ARHGAP26: variants seen among roughly 807,000 people sequenced by gnomAD.
ARHGAP26 encodes the protein rho GTPase-activating protein 26.
ARHGAP26 carries 38 observed loss-of-function variants against 104.8 expected under a neutral mutation model. The ratio of observed to expected loss-of-function variants is 0.36; its 90% CI spans 0.28 to 0.48. The LOEUF (loss-of-function observed/expected upper bound fraction) is 0.48. Ranked by LOEUF, ARHGAP26 falls within the 20% of genes least tolerant of loss-of-function variation. The probability of loss-of-function intolerance (pLI) is 0.99; values close to 1 mark genes in which losing one functional copy is unlikely to be tolerated. For synonymous variants in ARHGAP26, 341 were observed against 340.0 expected (o/e 1.00, Z -0.03); for missense variants, 704 against 947.9 (o/e 0.74, Z 3.38).
chr5:143,167,447 C>A (rs952908903), intron 20 of ARHGAP26, among the ~76,000 whole-genome samples: 1 of 127,106 alleles, frequency 7.9e-6, no homozygotes, highest in African/African-American at 3.1e-5. Flanking sequence ...CACACCACTG[C>A]ACTCCAGCCT....
intron 10 of ARHGAP26, among the ~76,000 whole-genome samples, chr5:142,919,959 G>A (rs1047393109): frequency 3.3e-5 from 5 of 152,142 alleles, no homozygotes; most frequent in African/African-American, 7.2e-5. Flanking sequence ...CTGAGATCGC[G>A]CCACCACACT....
At chr5:142,918,082 G>A (rs1762728460) in intron 10 of ARHGAP26, among the ~76,000 whole-genome samples, 1 of 152,022 alleles carries the variant, frequency 6.6e-6, no homozygotes, top group African/African-American at 2.4e-5. Context: ...ATGGGATTTA[G>A]ATCTATGGTT....
intron 1 of ARHGAP26, among the ~76,000 whole-genome samples, chr5:142,830,654 T>C (rs1212567875): frequency 2.0e-5 from 3 of 152,198 alleles, no homozygotes; most frequent in Non-Finnish European, 2.9e-5. Context: ...TGGGGCAAAA[T>C]GACCAGACTA....
At chr5:142,890,151 A>AATATATATATATATATATATAT (rs752591382) in intron 5 of ARHGAP26, among the ~76,000 whole-genome samples, 1 of 32,432 alleles carries the variant, frequency 3.1e-5, no homozygotes, top group Non-Finnish European at 5.5e-5. Flanking sequence ...AAAAAAAAAA[A>AATATATATATATATATATATAT]ATATATATAT....
chr5:142,779,030 C>T (rs991381552), intron 1 of ARHGAP26, among the ~76,000 whole-genome samples: 6 of 151,674 alleles, frequency 4.0e-5, no homozygotes, highest in African/African-American at 1.5e-4. Context: ...AGCCCTGGAA[C>T]TGCTTGATAT....
At chr5:142,990,786 A>G (rs1237541773) in intron 11 of ARHGAP26, among the ~76,000 whole-genome samples, 8 of 152,216 alleles carry the variant, frequency 5.3e-5, no homozygotes, top group Non-Finnish European at 1.5e-5. Flanking sequence ...CAAATATTGC[A>G]GAACAGCAAA....
intron 1 of ARHGAP26, among the ~76,000 whole-genome samples, chr5:142,828,058 A>G (rs1191113111): frequency 6.6e-6 from 1 of 152,216 alleles, no homozygotes; most frequent in Non-Finnish European, 1.5e-5. Context: ...CACGCTATTC[A>G]GAGGGAATGG....
intron 19 of ARHGAP26, among the ~76,000 whole-genome samples, chr5:143,142,446 T>C (rs560268914): frequency 2.0e-4 from 31 of 152,106 alleles, no homozygotes; most frequent in Non-Finnish European, 3.8e-4. Context: ...GGCCTACTTT[T>C]CAACTCAATG....
intron 1 of ARHGAP26, chr5:142,860,191 T>C (rs1400803610): frequency 1.3e-5 from 2 of 152,124 alleles, no homozygotes; most frequent in Non-Finnish European, 2.9e-5. Context: ...AAGATAAAAT[T>C]ATTAAAAATT....
chr5:142,879,085 T>C (rs772255025), intron 3 of ARHGAP26, among the ~76,000 whole-genome samples: 6 of 152,212 alleles, frequency 3.9e-5, no homozygotes, highest in Admixed American at 1.3e-4. Context: ...TTTTACCAGT[T>C]CCCCTCTGCC....
chr5:143,133,048 A>G (rs1050396297), intron 18 of ARHGAP26, among the ~76,000 whole-genome samples: 2 of 152,172 alleles, frequency 1.3e-5, no homozygotes, highest in Non-Finnish European at 2.9e-5. Flanking sequence ...GGAGTCTGCA[A>G]TAAGTGGTGG....
chr5:142,921,237 G>A (rs1254124186), intron 10 of ARHGAP26, among the ~76,000 whole-genome samples: 1 of 152,128 alleles, frequency 6.6e-6, no homozygotes, highest in Non-Finnish European at 1.5e-5. Context: ...TTGGTTGGTT[G>A]GGTGTTTAAT....
At chr5:143,121,295 GTGA>G (rs2150792022) in intron 18 of ARHGAP26, 148 bp downstream of exon 18, 1 of 850,812 alleles carries the variant, frequency 1.2e-6, no homozygotes, top group East Asian at 2.8e-5. Flanking sequence ...AGTGATGGTG[GTGA>G]TGATAATGTA....
At chr5:143,182,990 G>C (rs1403752449) in intron 20 of ARHGAP26, among the ~76,000 whole-genome samples, 1 of 148,384 alleles carries the variant, frequency 6.7e-6, no homozygotes, top group Non-Finnish European at 1.5e-5. Flanking sequence ...TTTGTTGACT[G>C]TCTGAATGCA....
At position 143,228,521 on chromosome 5, in the gene ARHGAP26, A is replaced by G. The variant is rs1474015538; in HGVS notation, c.*6075A>G. ...TCATGTCGCAAGAAAGATCAAACCC[A>G]TGAATGCTTAGTAGCTAAGGCTAGT... On this transcript the variant is annotated 3_prime_UTR_variant, in exon 23 of 23. Coordinates refer to ENST00000645722, the MANE Select transcript of ARHGAP26 (RefSeq NM_001135608.3). The G allele has an allele frequency of 4.5e-6, 1 of 220,560 alleles. No homozygotes were observed. Among genetic ancestry groups the G allele is most frequent in the East Asian group, 6.7e-5 (1 of 14,934 alleles). The allele number at this position is 220,560 out of a possible 1,614,324, so 13.7% of individuals were successfully genotyped here. A position where few individuals can be genotyped will look rare whatever the true frequency, so the allele number is the denominator to read the frequency against.
intron 19 of ARHGAP26, 85 bp from the exon 20 acceptor site, chr5:143,147,146 A>AT (rs1799261647): frequency 7.0e-7 from 1 of 1,436,248 alleles, no homozygotes; most frequent in East Asian, 2.3e-5. Context: ...ATCCAGTCTT[A>AT]TTCTTTATAC....
At chr5:143,214,354 C>T (rs1810000050) in intron 22 of ARHGAP26, among the ~76,000 whole-genome samples, 2 of 152,104 alleles carry the variant, frequency 1.3e-5, no homozygotes, top group African/African-American at 4.8e-5. Context: ...TGAGATTGTG[C>T]CTGCAAAAGA....
intron 11 of ARHGAP26, among the ~76,000 whole-genome samples, chr5:142,990,488 T>G (rs1775424271): frequency 6.6e-6 from 1 of 152,238 alleles, no homozygotes; most frequent in South Asian, 2.1e-4. Flanking sequence ...CCGTCTAGCT[T>G]TGTTCCACTG....
chr5:142,862,075 G>A (rs1753456647), intron 1 of ARHGAP26, among the ~76,000 whole-genome samples: 1 of 152,180 alleles, frequency 6.6e-6, no homozygotes, highest in Non-Finnish European at 1.5e-5. Flanking sequence ...CTTGGTTATG[G>A]GTTGGCTTGT....
Sources: allele counts gnomAD v4.1 joint callset (sites outside exome capture counted in the v4.1 genomes callset), GRCh38; gene constraint gnomAD v4.1.1; transcripts MANE v1.5; gene names NCBI Gene and HGNC (gene_info 2026-07-23, HGNC 2026-07-21).